The following DPP6 variants were observed in gnomAD, a reference collection of about 807,000 sequenced individuals.
The protein encoded by DPP6 is A-type potassium channel modulatory protein DPP6.
In DPP6, 69 loss-of-function variants were observed where a neutral mutation model predicts 122.6. The observed-to-expected ratio is 0.56, with a 90% CI of 0.46 to 0.69. The LOEUF (loss-of-function observed/expected upper bound fraction) is 0.69. Ranked by LOEUF, DPP6 falls within the 30% of genes least tolerant of loss-of-function variation. DPP6 has a pLI of 0.00. For missense variants in DPP6, 928 were observed against 1,116.9 expected (o/e 0.83, Z 2.41); for synonymous variants, 418 against 433.1 (o/e 0.97, Z 0.43).
At chr7:154,172,864 T>C (rs968400421) in intron 1 of DPP6, among the ~76,000 whole-genome samples, 1 of 152,122 alleles carries the variant, frequency 6.6e-6, no homozygotes, top group Admixed American at 6.5e-5. Flanking sequence ...GCCTCCCAAA[T>C]TGCTGGGATT....
At chr7:154,257,891 G>A (rs1253959663) in intron 1 of DPP6, among the ~76,000 whole-genome samples, 1 of 152,144 alleles carries the variant, frequency 6.6e-6, no homozygotes, top group Admixed American at 6.6e-5. Flanking sequence ...GGCTTCTGTT[G>A]GTTAGCAGAG....
chr7:154,011,544 A>G (rs1374470310), intron 1 of DPP6, among the ~76,000 whole-genome samples: 1 of 151,194 alleles, frequency 6.6e-6, no homozygotes, highest in African/African-American at 2.5e-5. Context: ...TGAAAAACTC[A>G]GAAGTGTTAA....
chr7:153,771,983 G>C, the DPP6 span, among the ~76,000 whole-genome samples: 1 of 152,106 alleles, frequency 6.6e-6, no homozygotes, highest in African/African-American at 2.4e-5. Context: ...TAGCTCTATA[G>C]TGTATTTATA....
chr7:154,779,298 T>TCAC (rs1796881629), intron 10 of DPP6, among the ~76,000 whole-genome samples: 1 of 56,344 alleles, frequency 1.8e-5, no homozygotes, highest in Admixed American at 2.1e-4. Context: ...CCCACTACTA[T>TCAC]CACCACCACC....
chr7:154,479,571 AAAAG>A (rs1232662399), intron 3 of DPP6, among the ~76,000 whole-genome samples: 5 of 87,220 alleles, frequency 5.7e-5, no homozygotes, highest in South Asian at 4.7e-4. Context: ...AAAAAAAAAA[AAAAG>A]AAAAGAAAAG....
At chr7:153,992,974 C>T (rs959472108) in intron 1 of DPP6, among the ~76,000 whole-genome samples, 3 of 151,972 alleles carry the variant, frequency 2.0e-5, no homozygotes, top group Non-Finnish European at 4.4e-5. Flanking sequence ...AGTCATAGCT[C>T]TCTCCCCCTA....
intron 8 of DPP6, among the ~76,000 whole-genome samples, chr7:154,756,459 C>A (rs1158233266): frequency 1.3e-5 from 2 of 152,172 alleles, no homozygotes; most frequent in Non-Finnish European, 2.9e-5. Flanking sequence ...TAATAGAGCT[C>A]TCACATCGAC....
At chr7:153,774,828 G>A in the DPP6 span, among the ~76,000 whole-genome samples, 2 of 152,108 alleles carry the variant, frequency 1.3e-5, no homozygotes, top group African/African-American at 4.8e-5. Flanking sequence ...AACTGGACGT[G>A]GTGATATGCA....
At chr7:154,506,697 TA>T (rs1300859543) in intron 3 of DPP6, among the ~76,000 whole-genome samples, 1 of 152,164 alleles carries the variant, frequency 6.6e-6, no homozygotes, top group Admixed American at 6.5e-5. Context: ...TGATGACCCA[TA>T]TTATCTGAAA....
At position 154,545,133 on chromosome 7, in the gene DPP6, A is replaced by G. The variant is rs542162607; in HGVS notation, c.552+4507A>G. ...CACTTTTATTTGAATTACATGTTTG[A>G]TGTCACAGAAATTCCGGGACCTTAC... On this transcript the variant is annotated intron_variant, in intron 4 of 25. Coordinates refer to ENST00000377770, the MANE Select transcript of DPP6 (RefSeq NM_130797.4). Among the ~76,000 whole-genome samples, 179 of 152,352 alleles carry G rather than the reference A, an allele frequency of 1.2e-3. 2 individuals are homozygous for G. Among genetic ancestry groups the G allele is most frequent in the African/African-American group, 4.1e-3 (171 of 41,590 alleles).
At chr7:154,194,606 C>T (rs539923130) in intron 1 of DPP6, among the ~76,000 whole-genome samples, 21 of 152,294 alleles carry the variant, frequency 1.4e-4, no homozygotes, top group South Asian at 1.0e-3. Flanking sequence ...TTTCCTAGAA[C>T]GATACATAAA....
At position 154,619,834 on chromosome 7, in the gene DPP6, C is replaced by T. The variant is rs1425925672; in HGVS notation, c.628-17987C>T. Among the ~76,000 whole-genome samples, 8 of 152,284 alleles carry T rather than the reference C, an allele frequency of 5.3e-5. No individual in the cohort carries two copies. The South Asian group carries it at 1.7e-3, about 32-fold the overall frequency. The stretch of plus-strand genomic sequence containing the variant: ...CAAATCAGATTCTCTGATGGTGGGG[C>T]CTCAACATCAGTACTTTTTTAAAAA... On this transcript the variant is annotated intron_variant, in intron 5 of 25. Transcript: ENST00000377770.
intron 5 of DPP6, among the ~76,000 whole-genome samples, chr7:154,582,376 G>A (rs984309694): frequency 3.9e-5 from 6 of 152,214 alleles, no homozygotes; most frequent in Non-Finnish European, 5.9e-5. Flanking sequence ...CTTGTGATGG[G>A]CTCCATTTAT....
chr7:154,723,612 C>A (rs1466619706), intron 7 of DPP6, among the ~76,000 whole-genome samples: 3 of 152,174 alleles, frequency 2.0e-5, no homozygotes, highest in Admixed American at 2.0e-4. Context: ...CTTGAAGAAC[C>A]AGGAGGGCTG....
intron 1 of DPP6, among the ~76,000 whole-genome samples, chr7:154,366,220 A>T (rs1812177270): frequency 6.6e-6 from 1 of 152,218 alleles, no homozygotes; most frequent in South Asian, 2.1e-4. Context: ...GGCTGACCAC[A>T]AGTTACAAAG....
intron 1 of DPP6, among the ~76,000 whole-genome samples, chr7:154,145,474 C>T (rs555826785): frequency 4.6e-5 from 7 of 152,288 alleles, no homozygotes; most frequent in Admixed American, 1.3e-4. Context: ...GCTGTGAGTC[C>T]GTTTAAGCTG....
chr7:154,188,734 T>C (rs1177022268), intron 1 of DPP6, among the ~76,000 whole-genome samples: 1 of 152,218 alleles, frequency 6.6e-6, no homozygotes, highest in Non-Finnish European at 1.5e-5. Context: ...ACTCTGGTAT[T>C]GCGAAGTGTT....
chr7:154,029,862 GAAAAAAGA>G (rs1799142303), intron 1 of DPP6, among the ~76,000 whole-genome samples: 1 of 146,012 alleles, frequency 6.8e-6, no homozygotes, highest in African/African-American at 2.5e-5. Context: ...AAAAAGTAAA[GAAAAAAGA>G]AAAAAAGAAA....
At chr7:154,505,540 G>A (rs944256140) in intron 3 of DPP6, among the ~76,000 whole-genome samples, 5 of 152,180 alleles carry the variant, frequency 3.3e-5, no homozygotes, top group Non-Finnish European at 7.4e-5. Flanking sequence ...AGAAGTTCCT[G>A]TTTCTTGATT....
Sources: allele counts gnomAD v4.1 joint callset (sites outside exome capture counted in the v4.1 genomes callset), GRCh38; gene constraint gnomAD v4.1.1; transcripts MANE v1.5; gene names NCBI Gene and HGNC (gene_info 2026-07-23, HGNC 2026-07-21).